The following ZSCAN5C variants were observed in gnomAD, a reference collection of about 807,000 sequenced individuals.
The protein encoded by ZSCAN5C is zinc finger and SCAN domain-containing protein 5C.
In ZSCAN5C, 11 loss-of-function variants were observed where a neutral mutation model predicts 17.3. The ratio of observed to expected loss-of-function variants is 0.64; its 90% CI spans 0.40 to 1.06. The LOEUF (loss-of-function observed/expected upper bound fraction) is 1.06. ZSCAN5C is among the 50% of genes least tolerant of loss of function. ZSCAN5C has a pLI of 0.00. For synonymous variants in ZSCAN5C, 229 were observed against 208.4 expected (o/e 1.10, Z -0.85); for missense variants, 698 against 538.9 (o/e 1.30, Z -2.92).
rs113536108 is a variant in ZSCAN5C at position 56,204,735 on chromosome 19, C to T, written c.-127-1052C>T. ...TTCCAGGAAGTGTGGGGCACTCGCC[C>T]TCCAGGCTACCAGTGACTTTTCCCA... On this transcript the variant is annotated intron_variant, in intron 1 of 4. Transcript: ENST00000534327. Among the ~76,000 whole-genome samples the T allele has an allele frequency of 4.4e-4, 67 of 151,980 alleles. 4 individuals are homozygous for T. Among genetic ancestry groups the T allele is most frequent in the African/African-American group, 1.6e-3 (67 of 41,246 alleles).
chr19:56,205,660 T>C (rs2032912024), intron 1 of ZSCAN5C, 127 bp from the exon 2 acceptor site: 3 of 431,180 alleles, frequency 7.0e-6, no homozygotes, highest in Non-Finnish European at 8.3e-6. Context: ...ACAGAGTGGA[T>C]TGATTTCCAC....
In ZSCAN5C at chr19:56,207,260, C is replaced by T. The variant is rs764599402; in HGVS notation, c.586C>T (p.Gln196Ter). ...CAGGGTCCCTGCACTGTTCAGGAGG[C>T]AGGTGGGTGTGTGAGGCCTTGGTGT... is the stretch of plus-strand genomic sequence containing the variant. Residue 196 changes from glutamine to a stop codon, truncating the protein, a stop_gained and splice_region_variant, in exon 3 of 5, where the codon CAG (glutamine) becomes TAG (stop). Coordinates refer to ENST00000534327, the Ensembl canonical transcript of ZSCAN5C. LOFTEE classifies it high-confidence loss of function. 23 of 774,662 alleles carry T rather than the reference C, an allele frequency of 3.0e-5. No individual in the cohort carries two copies. In the East Asian group the frequency reaches 4.1e-4, roughly 14 times the overall value. 48.0% of individuals were successfully genotyped at this position (774,662 alleles called of 1,614,324 possible).
chr19:56,205,500 C>G (rs941564982), intron 1 of ZSCAN5C, among the ~76,000 whole-genome samples: 2 of 151,866 alleles, frequency 1.3e-5, no homozygotes, highest in African/African-American at 4.9e-5. Context: ...ACATTCCTGT[C>G]CTATTTTATT....
chr19:56,207,329 A>C (rs9807807), intron 3 of ZSCAN5C, 67 bp downstream of exon 3: 1 of 677,476 alleles, frequency 1.5e-6, no homozygotes, highest in African/African-American at 1.8e-5. Context: ...TCGTGTGGCC[A>C]CTGGACTGAT....
chr19:56,208,086 C>T (rs2032944122), exon 4 of ZSCAN5C: 1 of 767,838 alleles, frequency 1.3e-6, no homozygotes, highest in Non-Finnish European at 2.4e-6. Flanking sequence ...GACCCAAAGG[C>T]TCTGAGACCC....
At chr19:56,203,647 T>C (rs2032893011) in intron 1 of ZSCAN5C, among the ~76,000 whole-genome samples, 2 of 147,554 alleles carry the variant, frequency 1.4e-5, no homozygotes, top group South Asian at 2.2e-4. Flanking sequence ...GGAATTTTTT[T>C]TTTTTTTTTT....
chr19:56,205,798 A>T, exon 2 of ZSCAN5C: 1 of 592,802 alleles, frequency 1.7e-6, no homozygotes, highest in Non-Finnish European at 3.0e-6. Flanking sequence ...CTTCTGAATG[A>T]ACAGTGAATC....
At chr19:56,206,919 C>A in intron 2 of ZSCAN5C, 140 bp from the exon 3 acceptor site, 1 of 595,850 alleles carries the variant, frequency 1.7e-6, no homozygotes, top group African/African-American at 1.9e-5. Flanking sequence ...AAAAAGTTCA[C>A]ACAGAGCTGA....
chr19:56,209,126 T>C, exon 5 of ZSCAN5C: 1 of 1,545,026 alleles, frequency 6.5e-7, no homozygotes, highest in South Asian at 1.1e-5. Context: ...ATGTTCCAAG[T>C]GTCCAAGAGC....
At chr19:56,204,857 A>G (rs2032904770) in intron 1 of ZSCAN5C, among the ~76,000 whole-genome samples, 1 of 151,986 alleles carries the variant, frequency 6.6e-6, no homozygotes, top group African/African-American at 2.4e-5. Context: ...ATAGCTGTTG[A>G]ACTTGGGTGA....
intron 3 of ZSCAN5C, 126 bp from the exon 4 acceptor site, chr19:56,207,908 A>C (rs948152491): frequency 3.3e-6 from 2 of 609,788 alleles, no homozygotes; most frequent in Non-Finnish European, 5.8e-6. Flanking sequence ...TGCCCAGAGA[A>C]CCAAACAGTG....
exon 5 of ZSCAN5C, chr19:56,208,738 T>C (rs777664140): frequency 1.9e-6 from 3 of 1,610,922 alleles, no homozygotes; most frequent in Non-Finnish European, 2.5e-6. Context: ...GCCCAGTCAG[T>C]CACCCCAGTG....
At chr19:56,203,487 A>T (rs1397072641) in intron 1 of ZSCAN5C, among the ~76,000 whole-genome samples, 1 of 151,728 alleles carries the variant, frequency 6.6e-6, no homozygotes, top group African/African-American at 2.4e-5. Flanking sequence ...TATACAATAC[A>T]TTGTTATGAA....
rs2032958760 is a variant in ZSCAN5C at position 56,208,965 on chromosome 19, A to G, written c.1256A>G (p.Lys419Arg). ...CCCTACACGTGTGACATCTGCCAGA[A>G]GCAGTTCACCCAGAAGTCCTACTTG... Residue 419 changes from lysine to arginine, a missense_variant, in exon 5 of 5, where the codon AAG (lysine) becomes AGG (arginine). By Grantham distance (26) the Lys-to-Arg change is conservative. Around this residue, in one of 3 missense-constraint regions of ZSCAN5C, gnomAD observed 554 missense variants for 390.5 expected, o/e 1.42. Transcript: ENST00000534327. 5 of 1,613,618 alleles carry G rather than the reference A, an allele frequency of 3.1e-6. No individual in the cohort carries two copies. The East Asian group carries it at 1.1e-4, about 36-fold the overall frequency.
intron 4 of ZSCAN5C, 41 bp downstream of exon 4, chr19:56,208,225 T>C: frequency 1.4e-6 from 1 of 736,380 alleles, no homozygotes; most frequent in Non-Finnish European, 2.5e-6. Flanking sequence ...ATAGCCCCTC[T>C]CTTCTGGGGT....
At chr19:56,208,424 G>C in intron 4 of ZSCAN5C, 25 bp from the exon 5 acceptor site, 2 of 1,253,980 alleles carry the variant, frequency 1.6e-6, no homozygotes, top group South Asian at 1.2e-5. Flanking sequence ...CTTATTAACT[G>C]TGTGTGTGGA....
At chr19:56,205,991 G>A (rs1480938524) in exon 2 of ZSCAN5C, 1 of 1,590,450 alleles carries the variant, frequency 6.3e-7, no homozygotes, top group East Asian at 2.2e-5. Flanking sequence ...CACAGTCCAT[G>A]CCATCCCCAG....
At chr19:56,203,892 G>A (rs1239891684) in intron 1 of ZSCAN5C, among the ~76,000 whole-genome samples, 6 of 151,750 alleles carry the variant, frequency 4.0e-5, no homozygotes, top group South Asian at 2.1e-4. Context: ...CAGGTGATCC[G>A]CCCATCTCAG....
intron 1 of ZSCAN5C, among the ~76,000 whole-genome samples, chr19:56,205,127 T>C (rs1404185004): frequency 6.6e-6 from 1 of 151,678 alleles, no homozygotes; most frequent in Non-Finnish European, 1.5e-5. Flanking sequence ...TTTAGGGTGA[T>C]GAGATAATTC....
Sources: allele counts gnomAD v4.1 joint callset (sites outside exome capture counted in the v4.1 genomes callset), GRCh38; gene constraint gnomAD v4.1.1; regional missense constraint gnomAD v4.1.1; transcripts MANE v1.5; gene names NCBI Gene and HGNC (gene_info 2026-07-23, HGNC 2026-07-21).